Variants in GNL3L observed in about 807,000 individuals in gnomAD.
GNL3L encodes guanine nucleotide-binding protein-like 3-like protein.
GNL3L carries 4 observed loss-of-function variants against 42.9 expected under a neutral mutation model. That is an observed-to-expected ratio of 0.09 (90% confidence interval 0.05 to 0.21). The LOEUF (loss-of-function observed/expected upper bound fraction) is 0.21, where lower values mean the gene tolerates loss of function less well. GNL3L is among the 10% of genes least tolerant of loss of function. The pLI, the probability that GNL3L is intolerant of heterozygous loss-of-function variation, is 1.00. For missense variants in GNL3L, 412 were observed against 481.7 expected (o/e 0.86, Z 1.36); for synonymous variants, 159 against 176.3 (o/e 0.90, Z 0.78).
intron 16 of GNL3L, among the ~76,000 whole-genome samples, chrX:54,578,804 A>G (rs752153526): frequency 2.0e-3 from 228 of 112,350 alleles, no homozygotes; most frequent in African/African-American, 6.7e-3. Context: ...ATTTCTGGGT[A>G]GTGTATATTC....
At chrX:54,632,496 G>A in the GNL3L span, among the ~76,000 whole-genome samples, 3 of 109,462 alleles carry the variant, frequency 2.7e-5, no homozygotes, top group South Asian at 1.2e-3. Context: ...TGTTGGATTG[G>A]GTTAATTCAA....
the GNL3L span, among the ~76,000 whole-genome samples, chrX:54,630,164 C>T: frequency 1.8e-5 from 2 of 109,608 alleles, no homozygotes; most frequent in South Asian, 8.1e-4. Flanking sequence ...CGGTGAATCT[C>T]ATTAATGGTC....
the GNL3L span, among the ~76,000 whole-genome samples, chrX:54,630,794 TTC>T: frequency 2.0e-5 from 2 of 101,771 alleles, no homozygotes; most frequent in African/African-American, 7.3e-5. Flanking sequence ...CTTTCTTTCT[TTC>T]TTTTCTCTCT....
At chrX:54,644,756 T>C in the GNL3L span, among the ~76,000 whole-genome samples, 2 of 111,841 alleles carry the variant, frequency 1.8e-5, no homozygotes, top group Non-Finnish European at 3.8e-5. Context: ...TACTTATTCT[T>C]CCAGGTGAAT....
At chrX:54,584,637 C>G (rs1256512723) in intron 16 of GNL3L, among the ~76,000 whole-genome samples, 1 of 112,425 alleles carries the variant, frequency 8.9e-6, no homozygotes, top group Non-Finnish European at 1.9e-5. Flanking sequence ...GAATAATATA[C>G]AATGAACATG....
downstream of GNL3L, among the ~76,000 whole-genome samples, chrX:54,569,915 A>G (rs1468142153): frequency 8.9e-6 from 1 of 112,139 alleles, no homozygotes; most frequent in African/African-American, 3.2e-5. Context: ...ATGGTAAAGG[A>G]ATGTACTTTA....
chrX:54,612,038 T>G (rs972417071), intron 16 of GNL3L, among the ~76,000 whole-genome samples: 3 of 112,104 alleles, frequency 2.7e-5, no homozygotes, highest in African/African-American at 9.7e-5. Flanking sequence ...TCCCCCACTA[T>G]TATTTGTTGC....
the GNL3L span, among the ~76,000 whole-genome samples, chrX:54,641,079 G>A: frequency 9.0e-6 from 1 of 111,097 alleles, no homozygotes; most frequent in East Asian, 2.9e-4. Context: ...GGTGCCTTTG[G>A]GACATCTAAA....
chrX:54,583,349 C>T (rs779821309), intron 16 of GNL3L, among the ~76,000 whole-genome samples: 117 of 110,157 alleles, frequency 1.1e-3, no homozygotes, highest in African/African-American at 3.5e-3. Context: ...TGCACCACCA[C>T]GCCCAGCTAA....
At position 54,538,341 on chromosome X, in the gene GNL3L, C is replaced by T. The variant is rs191328167; in HGVS notation, c.20-699C>T. Reference sequence around the variant, plus strand: ...ATTTGTTTGTATATATCCTGAGCTTCCAGAAACTCCTGTCTCTCTAGGAAT... The same window carrying T: ...ATTTGTTTGTATATATCCTGAGCTTTCAGAAACTCCTGTCTCTCTAGGAAT... On this transcript the variant is annotated intron_variant, in intron 2 of 15. Transcript: ENST00000360845. Among the ~76,000 whole-genome samples the T allele has an allele frequency of 1.5e-3, 167 of 111,583 alleles. No homozygotes were observed. The Middle Eastern group carries it at 0.019, about 12-fold the overall frequency.
chrX:54,623,137 T>C (rs1926308826), downstream of GNL3L, among the ~76,000 whole-genome samples: 1 of 112,422 alleles, frequency 8.9e-6, no homozygotes, highest in Admixed American at 9.4e-5. Flanking sequence ...AGTTTTGAAA[T>C]CAGGAAGTAT....
the GNL3L span, among the ~76,000 whole-genome samples, chrX:54,632,649 G>A: frequency 9.0e-6 from 1 of 111,046 alleles, no homozygotes; most frequent in Admixed American, 9.6e-5. Context: ...TATTTCTCTG[G>A]AGATTTTCCT....
At chrX:54,532,039 G>T (rs1379988605) in intron 1 of GNL3L, among the ~76,000 whole-genome samples, 1 of 110,386 alleles carries the variant, frequency 9.1e-6, no homozygotes, top group South Asian at 3.9e-4. Flanking sequence ...ATCTATTTAC[G>T]CCCTTCCCCA....
rs1207314793 is a variant in GNL3L at position 54,561,955 on chromosome X, G to A, written c.*1353G>A. ...AAACACAATCTTCTTTCTTTGCCAG[G>A]GTATTTTGGGGGTTTTGCCCCAAAA... On this transcript the variant is annotated 3_prime_UTR_variant, in exon 16 of 16. Coordinates refer to ENST00000360845, the MANE Select transcript of GNL3L (RefSeq NM_001184819.2). Among the ~76,000 whole-genome samples the A allele has an allele frequency of 8.9e-6, 1 of 112,065 alleles. No homozygotes were observed. Among genetic ancestry groups the A allele is most frequent in the Non-Finnish European group, 1.9e-5 (1 of 53,147 alleles).
chrX:54,544,177 G>A (rs1467894243), intron 7 of GNL3L, 46 bp from the exon 8 acceptor site: 1 of 698,226 alleles, frequency 1.4e-6, no homozygotes, highest in African/African-American at 2.1e-5. Context: ...AACCATGGAG[G>A]TGTTGTTCTG....
At chrX:54,640,484 G>A in the GNL3L span, among the ~76,000 whole-genome samples, 2 of 112,019 alleles carry the variant, frequency 1.8e-5, no homozygotes, top group Non-Finnish European at 3.8e-5. Flanking sequence ...CTCCACAGCC[G>A]TCATCTCTCA....
intron 12 of GNL3L, 26 bp from the exon 13 acceptor site, chrX:54,552,266 C>T: frequency 2.5e-6 from 3 of 1,202,326 alleles, no homozygotes; most frequent in Middle Eastern, 2.3e-4. Flanking sequence ...GACAGCACCA[C>T]TCATCTCCCC....
intron 16 of GNL3L, among the ~76,000 whole-genome samples, chrX:54,602,797 C>T (rs1235371149): frequency 1.8e-5 from 2 of 111,083 alleles, no homozygotes; most frequent in African/African-American, 6.5e-5. Flanking sequence ...TAGCAAGAAG[C>T]CAGGGCCCTC....
In GNL3L at chrX:54,550,877, C is replaced by G. The variant is rs1924917203; in HGVS notation, c.776-86C>G. The G allele has an allele frequency of 1.2e-5, 7 of 573,371 alleles. No homozygotes were observed. The South Asian group carries it at 1.8e-4, about 14-fold the overall frequency. 47.3% of individuals were successfully genotyped at this position (573,371 alleles called of 1,213,427 possible). A position where few individuals can be genotyped will look rare whatever the true frequency, so the allele number is the denominator to read the frequency against. On this transcript the variant is annotated intron_variant, in intron 9 of 15. Coordinates refer to ENST00000360845, the MANE Select transcript of GNL3L (RefSeq NM_001184819.2). ...TGGCTTCCCCATGGCCTGGTTACTA[C>G]CCCTGGCTAGGCCTCCCTCACACAG...
Sources: gnomAD v4.1 joint callset for allele counts (sites outside exome capture counted in the v4.1 genomes callset) on GRCh38, gnomAD v4.1.1 for gene constraint, MANE v1.5 for transcripts, NCBI Gene and HGNC (gene_info 2026-07-23, HGNC 2026-07-21) for gene names.